Variants in PATJ observed in about 807,000 individuals in gnomAD.
PATJ encodes PATJ crumbs cell polarity complex component, also known as inaD-like protein.
Under a neutral mutation model 224.9 loss-of-function variants are expected in PATJ, and 190 were observed. The ratio of observed to expected loss-of-function variants is 0.84; its 90% confidence interval spans 0.75 to 0.95. PATJ has a LOEUF of 0.95. Ranked by LOEUF, PATJ falls within the 40% of genes least tolerant of loss-of-function variation. The pLI is 0.00. For missense variants in PATJ, 2,121 were observed against 2,270.3 expected (o/e 0.93, Z 1.34); for synonymous variants, 769 against 820.3 (o/e 0.94, Z 1.07).
intron 32 of PATJ, 40 bp from the exon 33 acceptor site, chr1:62,084,475 C>T (rs1335410436): frequency 1.3e-6 from 2 of 1,585,050 alleles, no homozygotes; most frequent in South Asian, 1.2e-5. Flanking sequence ...TGAGCTGCAG[C>T]TCTTACATGC....
intron 12 of PATJ, among the ~76,000 whole-genome samples, chr1:61,804,499 A>G (rs1293287919): frequency 1.3e-5 from 2 of 152,186 alleles, no homozygotes; most frequent in African/African-American, 2.4e-5. Flanking sequence ...TGATACTGCA[A>G]GTTAACATTT....
chr1:62,022,548 G>T (rs910878474), intron 29 of PATJ, among the ~76,000 whole-genome samples: 3 of 152,172 alleles, frequency 2.0e-5, no homozygotes, highest in African/African-American at 2.4e-5. Context: ...CAAGAGGAGA[G>T]CTGTATTAAC....
At chr1:61,885,639 A>G (rs1468212944) in intron 22 of PATJ, among the ~76,000 whole-genome samples, 1 of 152,156 alleles carries the variant, frequency 6.6e-6, no homozygotes, top group African/African-American at 2.4e-5. Context: ...GGGATCTAGA[A>G]CTAGAAATAC....
chr1:61,953,075 C>G (rs1266598228), intron 27 of PATJ, among the ~76,000 whole-genome samples: 4 of 152,158 alleles, frequency 2.6e-5, no homozygotes, highest in Non-Finnish European at 5.9e-5. Flanking sequence ...CCACTGACTT[C>G]CTTGTTAACA....
intron 31 of PATJ, among the ~76,000 whole-genome samples, chr1:62,057,658 C>T (rs562025321): frequency 1.3e-5 from 2 of 152,310 alleles, no homozygotes; most frequent in South Asian, 2.1e-4. Flanking sequence ...TATGGGTTTA[C>T]TAGGTAAGTT....
chr1:61,833,684 G>C lies in PATJ; in HGVS notation c.2011G>C (p.Glu671Gln). The change falls in exon 17 of 44, where the codon GAA becomes CAA. Residue 671 changes from glutamate to glutamine, a missense_variant. Coordinates refer to ENST00000642238, the MANE Select transcript of PATJ (RefSeq NM_001350145.3). ...VDHNMDVNTEEDDDGELALWS... is the reference protein window; with the variant it reads ...VDHNMDVNTEQDDDGELALWS... The stretch of plus-strand genomic sequence containing the variant: ...CCACAATATGGATGTCAATACTGAA[G>C]AAGATGATGATGGGGAATTAGCACT... The C allele has an allele frequency of 6.2e-7, 1 of 1,613,376 alleles. No homozygotes were observed. The highest frequency in any genetic ancestry group is 8.5e-7 in the Non-Finnish European group (1 of 1,179,552).
chr1:61,825,749 T>TG, intron 15 of PATJ, among the ~76,000 whole-genome samples: 1 of 152,262 alleles, frequency 6.6e-6, no homozygotes, highest in East Asian at 1.9e-4. Flanking sequence ...AATAATGAGA[T>TG]AAATAAATAT....
chr1:61,872,799 T>C (rs974748223), intron 20 of PATJ, among the ~76,000 whole-genome samples: 3 of 152,216 alleles, frequency 2.0e-5, no homozygotes, highest in Non-Finnish European at 4.4e-5. Flanking sequence ...TACAGTGTTC[T>C]TTCTGTCTAA....
At chr1:61,821,193 T>C (rs1049693899) in intron 14 of PATJ, among the ~76,000 whole-genome samples, 71 of 152,160 alleles carry the variant, frequency 4.7e-4, no homozygotes, top group Non-Finnish European at 2.2e-4. Context: ...TACAGGCGCC[T>C]GCCACCATGC....
chr1:61,840,509 C>T (rs1660910688), intron 17 of PATJ, among the ~76,000 whole-genome samples: 1 of 151,800 alleles, frequency 6.6e-6, no homozygotes, highest in Non-Finnish European at 1.5e-5. Flanking sequence ...TTTAAAAAAA[C>T]TTTGACATAT....
chr1:62,152,949 G>A (rs2149046127), intron 42 of PATJ, among the ~76,000 whole-genome samples: 1 of 152,054 alleles, frequency 6.6e-6, no homozygotes, highest in Middle Eastern at 3.4e-3. Context: ...GATCAGCCTG[G>A]CCAACATGGT....
chr1:61,858,072 A>G (rs57557053), intron 18 of PATJ, among the ~76,000 whole-genome samples: 39,719 of 152,004 alleles, frequency 0.26, 5,641 homozygotes, highest in African/African-American at 0.37. Context: ...CTGAGACTGG[A>G]CAATTTGTAA....
intron 10 of PATJ, among the ~76,000 whole-genome samples, chr1:61,796,844 C>A (rs1651423425): frequency 1.3e-5 from 2 of 149,290 alleles, no homozygotes; most frequent in Non-Finnish European, 3.0e-5. Context: ...CTCCCTCCTT[C>A]CTTCCGTCTT....
chr1:61,831,841 A>G (rs1307773800), intron 16 of PATJ, among the ~76,000 whole-genome samples: 1 of 152,236 alleles, frequency 6.6e-6, no homozygotes. Context: ...ATATACCCAG[A>G]GGAATATAAA....
At chr1:62,057,517 G>A (rs1340604341) in intron 31 of PATJ, among the ~76,000 whole-genome samples, 1 of 152,214 alleles carries the variant, frequency 6.6e-6, no homozygotes, top group East Asian at 1.9e-4. Flanking sequence ...AGCGGACGCT[G>A]ATGCCCTGGT....
chr1:61,828,388 T>A (rs1272039836), intron 16 of PATJ, among the ~76,000 whole-genome samples: 1 of 146,142 alleles, frequency 6.8e-6, no homozygotes, highest in Non-Finnish European at 1.5e-5. Context: ...AGAGCACTGT[T>A]ACTATGAAAA....
intron 26 of PATJ, among the ~76,000 whole-genome samples, chr1:61,921,865 G>T (rs1473888565): frequency 6.6e-6 from 1 of 152,124 alleles, no homozygotes; most frequent in Non-Finnish European, 1.5e-5. Context: ...TATCTTGATT[G>T]TGGTGATGGA....
At chr1:61,845,520 C>T (rs920661544) in intron 17 of PATJ, among the ~76,000 whole-genome samples, 1 of 152,184 alleles carries the variant, frequency 6.6e-6, no homozygotes, top group Non-Finnish European at 1.5e-5. Context: ...CTGGCCAAAG[C>T]TCTTCACTGA....
At chr1:61,802,969 G>C (rs920679845) in intron 12 of PATJ, among the ~76,000 whole-genome samples, 21 of 152,130 alleles carry the variant, frequency 1.4e-4, no homozygotes, top group Admixed American at 1.3e-4. Flanking sequence ...GGTCAGGAAA[G>C]AATAGCCTAT....
Sources: allele counts gnomAD v4.1 joint callset (sites outside exome capture counted in the v4.1 genomes callset), GRCh38; gene constraint gnomAD v4.1.1; transcripts MANE v1.5; gene names NCBI Gene and HGNC (gene_info 2026-07-23, HGNC 2026-07-21).